FOXK1: variants seen among roughly 807,000 people sequenced by gnomAD.
The protein encoded by FOXK1 is forkhead box protein K1.
FOXK1 carries 19 observed loss-of-function variants against 51.9 expected under a neutral mutation model. That is an observed-to-expected ratio of 0.37 (90% CI 0.26 to 0.54). The LOEUF (loss-of-function observed/expected upper bound fraction) is 0.54, where lower values mean the gene tolerates loss of function less well. Among genes scored for constraint, FOXK1 ranks in the 20% least tolerant of loss-of-function variants. The pLI is 0.87. For missense variants in FOXK1, 870 were observed against 1,032.7 expected (o/e 0.84, Z 2.16); for synonymous variants, 537 against 482.6 (o/e 1.11, Z -1.48).
At chr7:4,706,587 A>T (rs1022929525) in intron 1 of FOXK1, among the ~76,000 whole-genome samples, 1 of 152,224 alleles carries the variant, frequency 6.6e-6, no homozygotes, top group Admixed American at 6.5e-5. Context: ...ATGTGGGCAG[A>T]ATCCTGACAC....
In FOXK1 at chr7:4,734,786, G is replaced by A. The variant is rs905936051; in HGVS notation, c.561-6052G>A. ...TTGGCGTGAGATGTCACTGTCTGCCGCTTCTGTGTTGGGTGCCCTCGTCCA... is the reference window on the plus strand; with the variant it reads ...TTGGCGTGAGATGTCACTGTCTGCCACTTCTGTGTTGGGTGCCCTCGTCCA... On this transcript the variant is annotated intron_variant, in intron 1 of 8. Transcript: ENST00000328914. The surrounding 1 kb of genome is among the most constrained non-coding windows in gnomAD (Gnocchi z 5.2). Among the ~76,000 whole-genome samples the A allele has an allele frequency of 3.3e-5, 5 of 152,176 alleles. No individual in the cohort carries two copies. Among genetic ancestry groups the A allele is most frequent in the African/African-American group, 9.7e-5 (4 of 41,438 alleles).
chr7:4,698,637 C>G (rs1779982145), intron 1 of FOXK1, among the ~76,000 whole-genome samples: 1 of 152,066 alleles, frequency 6.6e-6, no homozygotes, highest in Non-Finnish European at 1.5e-5. Flanking sequence ...ACTGCAGCCT[C>G]GACCTCCCAG....
intron 1 of FOXK1, among the ~76,000 whole-genome samples, chr7:4,706,464 G>C (rs1422004234): frequency 1.3e-5 from 2 of 152,070 alleles, no homozygotes; most frequent in Non-Finnish European, 2.9e-5. Context: ...CCCTAGAGTG[G>C]GGTGGGGCTG....
chr7:4,720,227 T>G lies in FOXK1; in HGVS notation c.561-20611T>G, dbSNP rs547474579. ...GCTCACTCATCTTCAGTCTGTAGGT[T>G]TATCATTCTGACCAAATCTGTACAT... On this transcript the variant is annotated intron_variant, in intron 1 of 8. Coordinates refer to ENST00000328914, the MANE Select transcript of FOXK1 (RefSeq NM_001037165.2). 9.2e-5 allele frequency among the ~76,000 whole-genome samples: 14 copies of G among 152,328 alleles called. No homozygotes were observed. The East Asian group carries it at 2.7e-3, about 29-fold the overall frequency.
In FOXK1 at chr7:4,762,702, T is replaced by C; in HGVS notation, c.*238T>C. The C allele has an allele frequency of 3.7e-6, 2 of 538,512 alleles. No individual in the cohort carries two copies. The highest frequency in any genetic ancestry group is 3.3e-6 in the Non-Finnish European group (1 of 300,132). 33.4% of individuals were successfully genotyped at this position (538,512 alleles called of 1,614,324 possible). On this transcript the variant is annotated 3_prime_UTR_variant, in exon 9 of 9. Transcript: ENST00000328914. This position sits in a 1 kb window ranked among gnomAD's most constrained non-coding sequence, Gnocchi z 5.7. The stretch of plus-strand genomic sequence containing the variant: ...TTGTATGATTCTGGGAATTCTTTGC[T>C]TTCCTTTCCTTCTCCCTCGGCACCA...
chr7:4,708,713 T>C (rs749269483), intron 1 of FOXK1, among the ~76,000 whole-genome samples: 1 of 152,164 alleles, frequency 6.6e-6, no homozygotes, highest in Non-Finnish European at 1.5e-5. Flanking sequence ...ACTTCATTCC[T>C]GCCAGCTTCT....
intron 1 of FOXK1, among the ~76,000 whole-genome samples, chr7:4,724,813 G>A (rs1263118004): frequency 2.6e-5 from 4 of 152,184 alleles, no homozygotes; most frequent in Non-Finnish European, 2.9e-5. Context: ...GATGGTGGGC[G>A]GTGATCCTCT....
chr7:4,689,020 A>G (rs1295505990), intron 1 of FOXK1, among the ~76,000 whole-genome samples: 1 of 149,182 alleles, frequency 6.7e-6, no homozygotes, highest in Non-Finnish European at 1.5e-5. Flanking sequence ...CTTGTCACCC[A>G]GGCTGGAGTG....
chr7:4,685,804 G>A (rs559788970), intron 1 of FOXK1, among the ~76,000 whole-genome samples: 3 of 151,942 alleles, frequency 2.0e-5, no homozygotes, highest in Admixed American at 6.6e-5. Context: ...TTAGCTTGGC[G>A]TGGTGGATCA....
chr7:4,714,613 C>T (rs1780212009), intron 1 of FOXK1, among the ~76,000 whole-genome samples: 1 of 152,224 alleles, frequency 6.6e-6, no homozygotes, highest in Non-Finnish European at 1.5e-5. Flanking sequence ...GGTTTAAAGA[C>T]ATTACTTTTG....
chr7:4,743,657 C>T lies in FOXK1; in HGVS notation c.746+2634C>T, dbSNP rs964507732. On this transcript the variant is annotated intron_variant, in intron 2 of 8. Coordinates refer to ENST00000328914, the MANE Select transcript of FOXK1 (RefSeq NM_001037165.2). This position sits in a 1 kb window ranked among gnomAD's most constrained non-coding sequence, Gnocchi z 5.3. Reference sequence around the variant, plus strand: ...TCTTCACCTAGTACCACCTTAAAGGCGCTGTAGAAATGGTGGCCAAGACCA... The same window carrying T: ...TCTTCACCTAGTACCACCTTAAAGGTGCTGTAGAAATGGTGGCCAAGACCA... Among the ~76,000 whole-genome samples the T allele has an allele frequency of 4.6e-5, 7 of 152,182 alleles. No individual in the cohort carries two copies. Among genetic ancestry groups the T allele is most frequent in the East Asian group, 1.9e-4 (1 of 5,198 alleles).
chr7:4,715,934 C>A lies in FOXK1; in HGVS notation c.561-24904C>A, dbSNP rs1780228053. On this transcript the variant is annotated intron_variant, in intron 1 of 8. Transcript: ENST00000328914. The surrounding 1 kb of genome is among the most constrained non-coding windows in gnomAD (Gnocchi z 4.5). ...TATCTGCTGTCTGTGCTTAAAGGAT[C>A]AAAAATGCAGACCTCAGTCAGGCGC... Among the ~76,000 whole-genome samples, 2 of 152,164 alleles carry A rather than the reference C, an allele frequency of 1.3e-5. No homozygotes were observed. The highest frequency in any genetic ancestry group is 4.2e-4 in the South Asian group (2 of 4,818).
At chr7:4,688,137 C>T (rs1779843835) in intron 1 of FOXK1, among the ~76,000 whole-genome samples, 1 of 151,892 alleles carries the variant, frequency 6.6e-6, no homozygotes, top group Non-Finnish European at 1.5e-5. Context: ...CATCTTGTGG[C>T]CAGGCTTGTT....
chr7:4,700,260 G>C (rs931873830), intron 1 of FOXK1, among the ~76,000 whole-genome samples: 2 of 152,120 alleles, frequency 1.3e-5, no homozygotes, highest in Non-Finnish European at 2.9e-5. Flanking sequence ...CAATATGCTT[G>C]GCACATAGTT....
Position 4,763,235 on chromosome 7 carries a change from C to T in FOXK1, c.*771C>T, listed in dbSNP as rs1480015137. 6.6e-6 allele frequency: 1 copy of T among 152,208 alleles called. No homozygotes were observed. The highest frequency in any genetic ancestry group is 1.5e-5 in the Non-Finnish European group (1 of 68,050). 9.4% of individuals were successfully genotyped at this position (152,208 alleles called of 1,614,324 possible). On this transcript the variant is annotated 3_prime_UTR_variant, in exon 9 of 9. Coordinates refer to ENST00000328914, the MANE Select transcript of FOXK1 (RefSeq NM_001037165.2). The stretch of plus-strand genomic sequence containing the variant: ...TAACTTCAAGTAAGAGCAGCGGCTT[C>T]CTGGGTTGGCGTTCGCGGTGGAAGG...
intron 1 of FOXK1, among the ~76,000 whole-genome samples, chr7:4,685,494 A>G (rs966332073): frequency 6.6e-6 from 1 of 150,788 alleles, no homozygotes; most frequent in Non-Finnish European, 1.5e-5. Flanking sequence ...GATTACAGGC[A>G]TACAGGCGTG....
chr7:4,737,959 C>T (rs997920267), intron 1 of FOXK1, among the ~76,000 whole-genome samples: 1 of 151,998 alleles, frequency 6.6e-6, no homozygotes, highest in African/African-American at 2.4e-5. Context: ...CCTGTCTCTA[C>T]TAAAAATACA....
At position 4,729,279 on chromosome 7, in the gene FOXK1, G is replaced by A. The variant is rs1780419406; in HGVS notation, c.561-11559G>A. Among the ~76,000 whole-genome samples, 1 of 152,184 alleles carries A rather than the reference G, an allele frequency of 6.6e-6. No homozygotes were observed. Among genetic ancestry groups the A allele is most frequent in the African/African-American group, 2.4e-5 (1 of 41,448 alleles). Reference sequence around the variant, plus strand: ...TGGGCCAGGCAGGGTTGTCTGGGGAGTGGAACGTCTGCTAGAAATGCAGAT... The same window carrying A: ...TGGGCCAGGCAGGGTTGTCTGGGGAATGGAACGTCTGCTAGAAATGCAGAT... On this transcript the variant is annotated intron_variant, in intron 1 of 8. Transcript: ENST00000328914. The surrounding 1 kb of genome is among the most constrained non-coding windows in gnomAD (Gnocchi z 6.2).
intron 2 of FOXK1, among the ~76,000 whole-genome samples, chr7:4,752,715 A>C (rs1333329039): frequency 2.6e-5 from 4 of 152,188 alleles, no homozygotes; most frequent in African/African-American, 9.6e-5. Flanking sequence ...CTGACATTTC[A>C]GTTCTTCCTG....
Sources: gnomAD v4.1 joint callset for allele counts (sites outside exome capture counted in the v4.1 genomes callset) on GRCh38, gnomAD v4.1.1 for gene constraint, Gnocchi (gnomAD v3.1) non-coding constraint, MANE v1.5 for transcripts, NCBI Gene and HGNC (gene_info 2026-07-23, HGNC 2026-07-21) for gene names.